The following DPYD variants were observed in gnomAD, a reference collection of about 807,000 sequenced individuals.
The protein encoded by DPYD is dihydropyrimidine dehydrogenase [NADP(+)].
In DPYD, 109 loss-of-function variants were observed where a neutral mutation model predicts 116.2. The observed-to-expected ratio is 0.94, with a 90% CI of 0.80 to 1.10. DPYD has a LOEUF of 1.10. Among genes scored for constraint, DPYD ranks in the 50% least tolerant of loss-of-function variants. The pLI is 0.00. For missense variants in DPYD, 1,302 were observed against 1,254.5 expected (o/e 1.04, Z -0.57); for synonymous variants, 440 against 432.0 (o/e 1.02, Z -0.23).
At chr1:97,353,237 C>T (rs1670242402) in intron 16 of DPYD, among the ~76,000 whole-genome samples, 1 of 152,136 alleles carries the variant, frequency 6.6e-6, no homozygotes, top group South Asian at 2.1e-4. Flanking sequence ...CGCTGCCAGG[C>T]TGCTATAAAG....
chr1:97,655,961 A>G (rs1658881259), intron 8 of DPYD, among the ~76,000 whole-genome samples: 1 of 152,200 alleles, frequency 6.6e-6, no homozygotes, highest in South Asian at 2.1e-4. Flanking sequence ...TTAATAATAT[A>G]ACTGCTAAAG....
chr1:97,408,030 A>T (rs1673773728), intron 14 of DPYD, among the ~76,000 whole-genome samples: 1 of 152,158 alleles, frequency 6.6e-6, no homozygotes, highest in African/African-American at 2.4e-5. Context: ...GAGATAAGGA[A>T]GATTATGCAT....
chr1:97,481,578 T>G (rs1678318131), intron 13 of DPYD, among the ~76,000 whole-genome samples: 1 of 152,198 alleles, frequency 6.6e-6, no homozygotes, highest in Non-Finnish European at 1.5e-5. Context: ...ATCCATACTC[T>G]GAGAATTACA....
At chr1:97,564,048 ATTC>A (rs1557801779) in intron 11 of DPYD, among the ~76,000 whole-genome samples, 1 of 152,330 alleles carries the variant, frequency 6.6e-6, no homozygotes, top group East Asian at 1.9e-4. Context: ...GTTCCTGAAA[ATTC>A]TTCTTGCCCA....
At chr1:97,661,777 T>C (rs1329397516) in intron 8 of DPYD, among the ~76,000 whole-genome samples, 2 of 152,022 alleles carry the variant, frequency 1.3e-5, no homozygotes, top group Non-Finnish European at 2.9e-5. Context: ...TAAAACAAGC[T>C]ATATGTTAAT....
intron 20 of DPYD, among the ~76,000 whole-genome samples, chr1:97,178,159 G>A (rs1006831187): frequency 1.3e-5 from 2 of 152,180 alleles, no homozygotes; most frequent in African/African-American, 2.4e-5. Flanking sequence ...GAAAGGCTAT[G>A]TGGTAGCCTG....
chr1:97,344,530 T>A (rs144883827), intron 16 of DPYD, among the ~76,000 whole-genome samples: 1 of 151,848 alleles, frequency 6.6e-6, no homozygotes, highest in Non-Finnish European at 1.5e-5. Context: ...ATATAATACA[T>A]GTATTATTGT....
intron 18 of DPYD, among the ~76,000 whole-genome samples, chr1:97,247,816 A>T (rs1160210681): frequency 6.6e-6 from 1 of 152,216 alleles, no homozygotes; most frequent in Non-Finnish European, 1.5e-5. Flanking sequence ...AAAAAACAGA[A>T]AGTCAAAATT....
chr1:97,661,748 A>C (rs910228239), intron 8 of DPYD, among the ~76,000 whole-genome samples: 1 of 152,074 alleles, frequency 6.6e-6, no homozygotes, highest in Non-Finnish European at 1.5e-5. Context: ...TCTATGAAAT[A>C]AATCTTCATC....
At chr1:97,774,990 A>G in intron 3 of DPYD, 1 of 321,716 alleles carries the variant, frequency 3.1e-6, no homozygotes, top group South Asian at 3.1e-5. Context: ...GGACAAAAAA[A>G]AGAAAGAAGC....
intron 8 of DPYD, among the ~76,000 whole-genome samples, chr1:97,647,670 CTTG>C (rs998504053): frequency 2.0e-5 from 3 of 151,916 alleles, no homozygotes; most frequent in African/African-American, 7.2e-5. Context: ...TAATTACTGA[CTTG>C]TTATCAAACC....
At position 97,245,790 on chromosome 1, in the gene DPYD, C is replaced by A. The variant is rs542861884; in HGVS notation, c.2300-10796G>T. Among the ~76,000 whole-genome samples, 3 of 152,228 alleles carry A rather than the reference C, an allele frequency of 2.0e-5. No homozygotes were observed. In the South Asian group the frequency reaches 6.2e-4, roughly 32 times the overall value. On this transcript the variant is annotated intron_variant, in intron 18 of 22. Coordinates refer to ENST00000370192, the MANE Select transcript of DPYD (RefSeq NM_000110.4). The stretch of plus-strand genomic sequence containing the variant: ...CCTTTGGAAAATCACAATTTCTTTT[C>A]TCTCTGAAATCCTGTGCTCTGTTTA...
At chr1:97,806,846 C>A (rs752589125) in intron 3 of DPYD, among the ~76,000 whole-genome samples, 3 of 151,920 alleles carry the variant, frequency 2.0e-5, no homozygotes, top group Non-Finnish European at 2.9e-5. Flanking sequence ...CCCCTGGCAA[C>A]CCCTCATATT....
intron 8 of DPYD, among the ~76,000 whole-genome samples, chr1:97,600,202 G>C (rs1655162014): frequency 1.3e-5 from 2 of 152,208 alleles, no homozygotes; most frequent in Admixed American, 1.3e-4. Flanking sequence ...CAAGTTTTCT[G>C]GATGAGATCA....
At chr1:97,274,410 A>T (rs1664802086) in intron 18 of DPYD, among the ~76,000 whole-genome samples, 1 of 152,102 alleles carries the variant, frequency 6.6e-6, no homozygotes, top group African/African-American at 2.4e-5. Context: ...CATGTGACAC[A>T]TCTGATCTGC....
chr1:97,556,244 G>A (rs1651695699), intron 11 of DPYD, among the ~76,000 whole-genome samples: 1 of 152,078 alleles, frequency 6.6e-6, no homozygotes, highest in African/African-American at 2.4e-5. Context: ...TTTTAGCCTG[G>A]CTTCTGTGAC....
At chr1:97,795,898 T>G (rs1005976895) in intron 3 of DPYD, among the ~76,000 whole-genome samples, 2 of 152,008 alleles carry the variant, frequency 1.3e-5, no homozygotes, top group African/African-American at 2.4e-5. Context: ...AAAGTGTTCT[T>G]CCCTGTGTTA....
At chr1:97,673,548 G>C (rs895120405) in intron 8 of DPYD, among the ~76,000 whole-genome samples, 1 of 152,096 alleles carries the variant, frequency 6.6e-6, no homozygotes, top group African/African-American at 2.4e-5. Context: ...CACTTTGCTA[G>C]GCACCAAACA....
chr1:97,500,875 G>C (rs1570847217), intron 13 of DPYD, among the ~76,000 whole-genome samples: 1 of 152,004 alleles, frequency 6.6e-6, no homozygotes, highest in East Asian at 1.9e-4. Context: ...TTACCAGTTT[G>C]CCAATTATAC....
Sources: allele counts gnomAD v4.1 joint callset (sites outside exome capture counted in the v4.1 genomes callset), GRCh38; gene constraint gnomAD v4.1.1; transcripts MANE v1.5; gene names NCBI Gene and HGNC (gene_info 2026-07-23, HGNC 2026-07-21).